Variants in CLVS1 observed in about 807,000 individuals in gnomAD.
CLVS1 encodes clavesin 1.
In CLVS1, 10 loss-of-function variants were observed where a neutral mutation model predicts 33.1. The ratio of observed to expected loss-of-function variants is 0.30; its 90% CI spans 0.19 to 0.51. The LOEUF is 0.51. CLVS1 is among the 20% of genes least tolerant of loss of function. The probability of loss-of-function intolerance (pLI) is 0.97; values close to 1 mark genes in which losing one functional copy is unlikely to be tolerated. For missense variants in CLVS1, 343 were observed against 433.4 expected, an observed-to-expected ratio of 0.79 and a Z score of 1.85; for synonymous variants, 163 against 166.1, an observed-to-expected ratio of 0.98 and a Z score of 0.14.
intron 2 of CLVS1, among the ~76,000 whole-genome samples, chr8:61,172,864 A>G (rs1807033675): frequency 6.6e-6 from 1 of 152,174 alleles, no homozygotes; most frequent in Non-Finnish European, 1.5e-5. Context: ...TGATGGAAAA[A>G]TAAAAAGCAT....
At chr8:61,129,649 C>G (rs1358537370) in intron 1 of CLVS1, among the ~76,000 whole-genome samples, 1 of 152,110 alleles carries the variant, frequency 6.6e-6, no homozygotes, top group Non-Finnish European at 1.5e-5. Context: ...TAGATGGTGT[C>G]TTCTTGCTGT....
At chr8:61,472,367 C>T (rs1817762646) in intron 5 of CLVS1, among the ~76,000 whole-genome samples, 1 of 150,310 alleles carries the variant, frequency 6.7e-6, no homozygotes, top group African/African-American at 2.5e-5. Context: ...GTAAAAAAGA[C>T]ATGGGGGGAG....
intron 5 of CLVS1, among the ~76,000 whole-genome samples, chr8:61,462,367 G>A (rs925711925): frequency 2.0e-5 from 3 of 152,106 alleles, no homozygotes; most frequent in Admixed American, 1.3e-4. Flanking sequence ...AAATGTTTTT[G>A]TTTGTTTGTT....
chr8:61,392,878 T>G (rs1479794242), intron 3 of CLVS1, among the ~76,000 whole-genome samples: 1 of 152,008 alleles, frequency 6.6e-6, no homozygotes, highest in Non-Finnish European at 1.5e-5. Context: ...TGTTTAATTC[T>G]TTTTCTTTTC....
chr8:61,179,048 T>C (rs2129300074), intron 2 of CLVS1, among the ~76,000 whole-genome samples: 1 of 152,264 alleles, frequency 6.6e-6, no homozygotes, highest in African/African-American at 2.4e-5. Context: ...AGAGAAAGAC[T>C]GGCAAATTGG....
At chr8:61,078,679 T>C (rs1477132871) in intron 1 of CLVS1, among the ~76,000 whole-genome samples, 1 of 152,174 alleles carries the variant, frequency 6.6e-6, no homozygotes, top group Non-Finnish European at 1.5e-5. Context: ...CTCTTATTTT[T>C]GGGGTGTTAG....
At chr8:61,347,046 G>A (rs1812246891) in intron 2 of CLVS1, among the ~76,000 whole-genome samples, 1 of 152,172 alleles carries the variant, frequency 6.6e-6, no homozygotes, top group African/African-American at 2.4e-5. Flanking sequence ...AATCCCCCAT[G>A]TTGTACAACT....
chr8:61,182,072 G>T (rs566011165), intron 2 of CLVS1, among the ~76,000 whole-genome samples: 26 of 151,938 alleles, frequency 1.7e-4, no homozygotes, highest in Non-Finnish European at 3.4e-4. Context: ...AATAAATAAT[G>T]CTGGGGGAAA....
At chr8:61,394,230 T>C (rs1007145261) in intron 3 of CLVS1, among the ~76,000 whole-genome samples, 3 of 152,200 alleles carry the variant, frequency 2.0e-5, no homozygotes, top group Admixed American at 2.0e-4. Context: ...TCTCCCTCCT[T>C]GCAGCAGGAT....
At chr8:61,240,379 C>A (rs1808672762) in intron 2 of CLVS1, among the ~76,000 whole-genome samples, 2 of 152,190 alleles carry the variant, frequency 1.3e-5, no homozygotes, top group Admixed American at 1.3e-4. Flanking sequence ...CCTGGACTTC[C>A]CTTCACACAT....
intron 2 of CLVS1, among the ~76,000 whole-genome samples, chr8:61,247,024 A>G (rs888174889): frequency 6.6e-6 from 1 of 152,094 alleles, no homozygotes; most frequent in Non-Finnish European, 1.5e-5. Flanking sequence ...AGTTCTCATC[A>G]TTTAGCTCCC....
intron 1 of CLVS1, among the ~76,000 whole-genome samples, chr8:61,085,044 ACTG>A (rs1378840069): frequency 1.3e-5 from 2 of 152,226 alleles, no homozygotes; most frequent in Admixed American, 1.3e-4. Context: ...ATACATCAGA[ACTG>A]CTATATTAGC....
At chr8:61,343,266 TG>T (rs1475737455) in intron 2 of CLVS1, among the ~76,000 whole-genome samples, 2 of 152,212 alleles carry the variant, frequency 1.3e-5, no homozygotes, top group African/African-American at 4.8e-5. Flanking sequence ...TAAAAATATA[TG>T]GGGATGTTTA....
At chr8:61,399,090 T>C (rs1192556187) in intron 3 of CLVS1, among the ~76,000 whole-genome samples, 1 of 152,222 alleles carries the variant, frequency 6.6e-6, no homozygotes, top group Non-Finnish European at 1.5e-5. Flanking sequence ...CTGGATCAAA[T>C]GGTGCTTCTG....
At chr8:61,067,859 C>A (rs959057581) in intron 1 of CLVS1, among the ~76,000 whole-genome samples, 1 of 151,934 alleles carries the variant, frequency 6.6e-6, no homozygotes, top group Non-Finnish European at 1.5e-5. Flanking sequence ...GGCTGTAAAA[C>A]CAACTATTGG....
Position 61,091,852 on chromosome 8 carries a change from T to G in CLVS1, c.-243+34622T>G, listed in dbSNP as rs2129284613. Reference sequence around the variant, plus strand: ...TATTAATATTCTTATAAAATCCTGATAGGAAAATAATGCCATGGTTAAAAC... The same window carrying G: ...TATTAATATTCTTATAAAATCCTGAGAGGAAAATAATGCCATGGTTAAAAC... On this transcript the variant is annotated intron_variant, in intron 1 of 2. Coordinates refer to the CLVS1 transcript ENST00000522621. 2.6e-5 allele frequency among the ~76,000 whole-genome samples: 4 copies of G among 152,332 alleles called. No individual in the cohort carries two copies. The South Asian group carries it at 8.3e-4, about 32-fold the overall frequency.
intron 5 of CLVS1, among the ~76,000 whole-genome samples, chr8:61,477,819 G>C (rs1404524202): frequency 6.6e-6 from 1 of 152,098 alleles, no homozygotes; most frequent in East Asian, 1.9e-4. Context: ...TCTGATCTTA[G>C]TTATTTCTTG....
intron 2 of CLVS1, among the ~76,000 whole-genome samples, chr8:61,304,311 T>C (rs1386859422): frequency 6.6e-6 from 1 of 152,236 alleles, no homozygotes; most frequent in Non-Finnish European, 1.5e-5. Flanking sequence ...CATGCCAGTC[T>C]CTGCCTGCTT....
intron 5 of CLVS1, among the ~76,000 whole-genome samples, chr8:61,482,004 A>T (rs1818213387): frequency 6.6e-6 from 1 of 152,214 alleles, no homozygotes; most frequent in Non-Finnish European, 1.5e-5. Context: ...CGAAGCTTCC[A>T]GAGGAAGGAT....
Sources: allele counts gnomAD v4.1 joint callset (sites outside exome capture counted in the v4.1 genomes callset), GRCh38; gene constraint gnomAD v4.1.1; transcripts MANE v1.5; gene names NCBI Gene and HGNC (gene_info 2026-07-23, HGNC 2026-07-21).